NDFIP1: variants seen among roughly 807,000 people sequenced by gnomAD.
NDFIP1 encodes the protein NEDD4 family-interacting protein 1.
In NDFIP1, 7 loss-of-function variants were observed where a neutral mutation model predicts 28.8. That is an observed-to-expected ratio of 0.24 (90% CI 0.14 to 0.46). The LOEUF is 0.46. NDFIP1 is among the 20% of genes least tolerant of loss of function. NDFIP1 has a pLI of 0.99. For missense variants in NDFIP1, 194 were observed against 269.1 expected, an observed-to-expected ratio of 0.72 and a Z score of 1.95; for synonymous variants, 92 against 101.0, an observed-to-expected ratio of 0.91 and a Z score of 0.53.
chr5:142,125,145 A>G (rs893933058), intron 1 of NDFIP1, among the ~76,000 whole-genome samples: 4 of 152,140 alleles, frequency 2.6e-5, no homozygotes, highest in Non-Finnish European at 5.9e-5. Flanking sequence ...AGGTTCATCC[A>G]TATTTCAGCA....
chr5:142,137,770 C>G lies in NDFIP1; in HGVS notation c.407C>G (p.Ser136Cys), dbSNP rs374512925. The change falls in exon 5 of 8, where the codon TCT (serine) becomes TGT (cysteine). Residue 136 changes from serine to cysteine, a missense_variant. Coordinates refer to ENST00000253814, the MANE Select transcript of NDFIP1 (RefSeq NM_030571.4). ...TTTAACTGGATTGGGTTTTTCCTGTCTTTTTGCCTGACCACTTCAGCTGCA... is the reference window on the plus strand; with the variant it reads ...TTTAACTGGATTGGGTTTTTCCTGTGTTTTTGCCTGACCACTTCAGCTGCA... ...FLFNWIGFFLSFCLTTSAAGR... is the reference protein window; with the variant it reads ...FLFNWIGFFLCFCLTTSAAGR... 3 of 1,613,918 alleles carry G rather than the reference C, an allele frequency of 1.9e-6. No homozygotes were observed. The African/African-American group carries it at 4.0e-5, about 22-fold the overall frequency.
At chr5:142,140,712 T>C in intron 6 of NDFIP1, 83 bp downstream of exon 6, 1 of 1,066,808 alleles carries the variant, frequency 9.4e-7, no homozygotes, top group Non-Finnish European at 1.4e-6. Context: ...AATGTTCATC[T>C]TGATTACTGT....
intron 6 of NDFIP1, among the ~76,000 whole-genome samples, chr5:142,142,567 T>A (rs1257763180): frequency 6.6e-6 from 1 of 152,122 alleles, no homozygotes; most frequent in Non-Finnish European, 1.5e-5. Flanking sequence ...TAAAGTTTCA[T>A]GGGAGGAGGT....
intron 6 of NDFIP1, chr5:142,143,825 AC>A (rs1757360124): frequency 6.6e-6 from 1 of 151,854 alleles, no homozygotes; most frequent in African/African-American, 2.4e-5. Context: ...ACATAGCGAG[AC>A]CCCTATCTCT....
At chr5:142,132,368 G>C (rs1488408176) in intron 3 of NDFIP1, 26 bp downstream of exon 3, 13 of 1,603,938 alleles carry the variant, frequency 8.1e-6, no homozygotes, top group Admixed American at 1.7e-5. Context: ...CATGTTACTT[G>C]ATGGCTGCTC....
Position 142,139,045 on chromosome 5 carries a change from G to A in NDFIP1, c.495+1187G>A, listed in dbSNP as rs534137898. 4.6e-5 allele frequency among the ~76,000 whole-genome samples: 7 copies of A among 151,606 alleles called. No individual in the cohort carries two copies. The South Asian group carries it at 1.0e-3, about 23-fold the overall frequency. ...ATCCTGGCTAACATGGTGAAACCCC[G>A]TCTCTACTAAAAAAATACAAAAAAA... is the stretch of plus-strand genomic sequence containing the variant. On this transcript the variant is annotated intron_variant, in intron 5 of 7. Transcript: ENST00000253814.
chr5:142,142,940 A>AAAAAAATAT (rs60076432), intron 6 of NDFIP1: 17 of 38,156 alleles, frequency 4.5e-4, no homozygotes, highest in African/African-American at 1.8e-3. Flanking sequence ...AAAAAAAAAA[A>AAAAAAATAT]ATATATATAT....
chr5:142,139,528 G>T (rs1216120030), intron 5 of NDFIP1, among the ~76,000 whole-genome samples: 4 of 151,968 alleles, frequency 2.6e-5, no homozygotes, highest in African/African-American at 7.3e-5. Flanking sequence ...AGAAGAAAAA[G>T]AACTATTTAA....
chr5:142,134,965 C>G (rs1388277926), intron 3 of NDFIP1, among the ~76,000 whole-genome samples: 1 of 151,970 alleles, frequency 6.6e-6, no homozygotes, highest in Non-Finnish European at 1.5e-5. Context: ...TCGTAAAGCA[C>G]TTGAGCTGGT....
intron 1 of NDFIP1, among the ~76,000 whole-genome samples, chr5:142,121,098 A>C (rs1354921820): frequency 6.6e-6 from 1 of 152,130 alleles, no homozygotes; most frequent in Non-Finnish European, 1.5e-5. Context: ...ATTTGATTTC[A>C]CTGTCTTTTC....
At chr5:142,137,905 C>T in intron 5 of NDFIP1, 47 bp downstream of exon 5, 1 of 1,546,078 alleles carries the variant, frequency 6.5e-7, no homozygotes, top group African/African-American at 1.4e-5. Context: ...AGGCAATAAT[C>T]AGAATATTTT....
chr5:142,108,926 C>T lies in NDFIP1; in HGVS notation c.-49C>T, dbSNP rs11547554. On this transcript the variant is annotated 5_prime_UTR_variant, in exon 1 of 8. Transcript: ENST00000253814. ...CTCCCAAGCCGCAGCGGCCGCGCCC[C>T]TTCAGCTAGCTCGCTCGCTCGCTCT... 7 of 1,400,346 alleles carry T rather than the reference C, an allele frequency of 5.0e-6. No homozygotes were observed. Among genetic ancestry groups the T allele is most frequent in the African/African-American group, 4.5e-5 (3 of 66,728 alleles). 86.7% of individuals were successfully genotyped at this position (1,400,346 alleles called of 1,614,324 possible). A position where few individuals can be genotyped will look rare whatever the true frequency, so the allele number is the denominator to read the frequency against.
intron 1 of NDFIP1, among the ~76,000 whole-genome samples, chr5:142,127,084 C>T (rs115027219): frequency 0.015 from 2,263 of 152,230 alleles, 49 homozygotes; most frequent in African/African-American, 0.049. Flanking sequence ...GGCTTGATCT[C>T]AGCTTACTGT....
intron 4 of NDFIP1, among the ~76,000 whole-genome samples, chr5:142,137,326 T>TTTTG (rs780596231): frequency 2.6e-5 from 4 of 151,920 alleles, no homozygotes; most frequent in East Asian, 1.9e-4. Flanking sequence ...TGTGCCCGGC[T>TTTTG]TTTGTTTGTT....
chr5:142,139,949 G>A (rs1402084560), intron 5 of NDFIP1, among the ~76,000 whole-genome samples: 2 of 152,082 alleles, frequency 1.3e-5, no homozygotes, highest in Admixed American at 6.6e-5. Flanking sequence ...ATATTATGTG[G>A]GGAAAATGTT....
At chr5:142,145,066 C>T (rs1397606384) in intron 7 of NDFIP1, among the ~76,000 whole-genome samples, 2 of 152,136 alleles carry the variant, frequency 1.3e-5, no homozygotes, top group Non-Finnish European at 2.9e-5. Flanking sequence ...TCATCTCTGC[C>T]CCTAAATCCC....
chr5:142,141,467 T>C (rs1049513089), intron 6 of NDFIP1, among the ~76,000 whole-genome samples: 11 of 152,142 alleles, frequency 7.2e-5, no homozygotes, highest in Admixed American at 3.3e-4. Context: ...TGAGCCACCA[T>C]GCCTGGCCTG....
chr5:142,142,894 G>A (rs1757345927), intron 6 of NDFIP1: 1 of 117,570 alleles, frequency 8.5e-6, no homozygotes. Flanking sequence ...CTCCAGCCTG[G>A]GTAACAGAGC....
intron 1 of NDFIP1, among the ~76,000 whole-genome samples, chr5:142,131,377 C>T (rs921176740): frequency 6.6e-6 from 1 of 152,120 alleles, no homozygotes; most frequent in Non-Finnish European, 1.5e-5. Context: ...CGGGTTAAAA[C>T]GATTCTTGTG....
Sources: allele counts gnomAD v4.1 joint callset (sites outside exome capture counted in the v4.1 genomes callset), GRCh38; gene constraint gnomAD v4.1.1; transcripts MANE v1.5; gene names NCBI Gene and HGNC (gene_info 2026-07-23, HGNC 2026-07-21).